TOX3: variants seen among roughly 807,000 people sequenced by gnomAD.
TOX3 encodes the protein CAG trinucleotide repeat-containing gene F9 protein.
TOX3 carries 22 observed loss-of-function variants against 64.3 expected under a neutral mutation model. The observed-to-expected ratio is 0.34, with a 90% CI of 0.24 to 0.49. The LOEUF is 0.49. Ranked by LOEUF, TOX3 falls within the 20% of genes least tolerant of loss-of-function variation. TOX3 has a pLI of 0.99. For missense variants in TOX3, 661 were observed against 714.4 expected (o/e 0.93, Z 0.85); for synonymous variants, 291 against 273.6 (o/e 1.06, Z -0.63).
chr16:52,537,878 T>TAAAAAAAAAAAAAAAAAAAAAAAAAAAAA (rs57403617), intron 1 of TOX3, among the ~76,000 whole-genome samples: 1 of 111,040 alleles, frequency 9.0e-6, no homozygotes, highest in African/African-American at 3.3e-5. Context: ...GCTGATATGA[T>TAAAAAAAAAAAAAAAAAAAAAAAAAAAAA]AAAAAAAAAA....
chr16:52,532,196 C>T (rs1008755000), intron 1 of TOX3, among the ~76,000 whole-genome samples: 1 of 152,180 alleles, frequency 6.6e-6, no homozygotes, highest in Non-Finnish European at 1.5e-5. Flanking sequence ...TTCTCCACAC[C>T]TCTGTCTATC....
At chr16:52,485,455 A>T (rs1398779873) in intron 1 of TOX3, among the ~76,000 whole-genome samples, 1 of 151,898 alleles carries the variant, frequency 6.6e-6, no homozygotes. Flanking sequence ...GACATAAAAA[A>T]TGGAAATGGC....
intron 1 of TOX3, among the ~76,000 whole-genome samples, chr16:52,511,869 C>T (rs1962321083): frequency 6.6e-6 from 1 of 152,114 alleles, no homozygotes; most frequent in African/African-American, 2.4e-5. Context: ...GTCATGTTTG[C>T]CTTTATAATT....
At chr16:52,508,644 A>G (rs1267184874) in intron 1 of TOX3, among the ~76,000 whole-genome samples, 1 of 152,208 alleles carries the variant, frequency 6.6e-6, no homozygotes, top group Non-Finnish European at 1.5e-5. Flanking sequence ...AATTTTATAT[A>G]AAGAAAAAAC....
chr16:52,468,492 T>TTAAGACAGTCACC lies in TOX3; in HGVS notation c.153+4_153+16dup. 1 of 1,610,650 alleles carries TTAAGACAGTCACC rather than the reference T, an allele frequency of 6.2e-7. No homozygotes were observed. On this transcript the variant is annotated intron_variant, in intron 2 of 6. Transcript: ENST00000219746. ...AACACAAAAAACAGGAACAAACACA[T>TTAAGACAGTCACC]TAAGACAGTCACCTACCTCACTGGC...
intron 3 of TOX3, among the ~76,000 whole-genome samples, chr16:52,459,485 C>T (rs544934222): frequency 1.3e-5 from 2 of 152,238 alleles, no homozygotes; most frequent in South Asian, 4.1e-4. Context: ...GTGACCTTTA[C>T]ATTGTTAATT....
At chr16:52,538,917 T>A (rs757577199) in intron 1 of TOX3, among the ~76,000 whole-genome samples, 1 of 152,030 alleles carries the variant, frequency 6.6e-6, no homozygotes, top group Non-Finnish European at 1.5e-5. Context: ...GAGAAGCTCA[T>A]GCGGACCTTA....
chr16:52,495,680 G>T (rs1441264423), intron 1 of TOX3, among the ~76,000 whole-genome samples: 2 of 152,140 alleles, frequency 1.3e-5, no homozygotes, highest in Non-Finnish European at 2.9e-5. Context: ...CCACCACGGT[G>T]TTAACACACA....
chr16:52,445,376 C>G (rs1237772976), intron 5 of TOX3: 1 of 152,094 alleles, frequency 6.6e-6, no homozygotes, highest in Non-Finnish European at 1.5e-5. Flanking sequence ...AGGGGGGGAT[C>G]GACCCCCAAG....
At chr16:52,465,368 A>G (rs1262704772) in intron 2 of TOX3, among the ~76,000 whole-genome samples, 1 of 151,228 alleles carries the variant, frequency 6.6e-6, no homozygotes, top group Admixed American at 6.6e-5. Context: ...GATATAAATC[A>G]GTGTTGCTCC....
In TOX3 at chr16:52,476,924, G is replaced by A. The variant is rs565633206; in HGVS notation, c.88-8350C>T. On this transcript the variant is annotated intron_variant, in intron 1 of 6. Transcript: ENST00000219746. ...AAGTGGCTTGCAAATCTAGGAGGAG[G>A]AGTCAAAAAGGAATGGCCTTTCAGA... Among the ~76,000 whole-genome samples, 6 of 152,236 alleles carry A rather than the reference G, an allele frequency of 3.9e-5. No individual in the cohort carries two copies. The South Asian group carries it at 1.0e-3, about 26-fold the overall frequency.
rs572066155 is a variant in TOX3 at position 52,491,339 on chromosome 16, G to T, written c.88-22765C>A. The stretch of plus-strand genomic sequence containing the variant: ...GCCCTTTCACACTGGACTATGATTG[G>T]TTTCTTTGTCTTTCTTCCTAATTAA... On this transcript the variant is annotated intron_variant, in intron 1 of 6. Coordinates refer to ENST00000219746, the MANE Select transcript of TOX3 (RefSeq NM_001080430.4). Among the ~76,000 whole-genome samples, 33 of 152,146 alleles carry T rather than the reference G, an allele frequency of 2.2e-4. No individual in the cohort carries two copies. The East Asian group carries it at 6.4e-3, about 29-fold the overall frequency.
chr16:52,447,491 G>A (rs1960196820), intron 4 of TOX3, among the ~76,000 whole-genome samples: 1 of 152,180 alleles, frequency 6.6e-6, no homozygotes, highest in Non-Finnish European at 1.5e-5. Flanking sequence ...AACACTCAAA[G>A]TGTTAAGAAA....
intron 1 of TOX3, among the ~76,000 whole-genome samples, chr16:52,513,024 C>T (rs116025994): frequency 3.9e-4 from 59 of 152,264 alleles, no homozygotes; most frequent in African/African-American, 1.4e-3. Flanking sequence ...CATAATGTCA[C>T]GTTGCATACC....
chr16:52,458,578 T>A (rs546453462), intron 3 of TOX3, among the ~76,000 whole-genome samples: 2 of 152,222 alleles, frequency 1.3e-5, no homozygotes, highest in Non-Finnish European at 2.9e-5. Flanking sequence ...GCCAGCCTTC[T>A]CATAACATTT....
At chr16:52,536,488 A>G (rs1171882131) in intron 1 of TOX3, among the ~76,000 whole-genome samples, 4 of 150,992 alleles carry the variant, frequency 2.6e-5, no homozygotes, top group Admixed American at 6.6e-5. Flanking sequence ...GGTAGAGGGG[A>G]GGAGTGGTAA....
At chr16:52,545,940 G>A (rs2151493870) in intron 1 of TOX3, among the ~76,000 whole-genome samples, 1 of 152,274 alleles carries the variant, frequency 6.6e-6, no homozygotes, top group Non-Finnish European at 1.5e-5. Flanking sequence ...ACCCCAGGGT[G>A]TGGTGTGGAG....
In TOX3 at chr16:52,517,127, A is replaced by C. The variant is rs1040510076; in HGVS notation, c.87+29510T>G. On this transcript the variant is annotated intron_variant, in intron 1 of 6. Coordinates refer to ENST00000219746, the MANE Select transcript of TOX3 (RefSeq NM_001080430.4). ...AAAATTAGGGGAGCTACCATAATAC[A>C]TGGCAGAAACAGATTTCCTGCCCCC... Among the ~76,000 whole-genome samples, 6 of 152,354 alleles carry C rather than the reference A, an allele frequency of 3.9e-5. No homozygotes were observed. The East Asian group carries it at 7.7e-4, about 20-fold the overall frequency.
chr16:52,452,249 G>T (rs773054715), intron 3 of TOX3, among the ~76,000 whole-genome samples: 3 of 152,112 alleles, frequency 2.0e-5, no homozygotes, highest in East Asian at 1.9e-4. Flanking sequence ...CTTTTTCTAC[G>T]TACATGTGTA....
Sources: allele counts gnomAD v4.1 joint callset (sites outside exome capture counted in the v4.1 genomes callset), GRCh38; gene constraint gnomAD v4.1.1; transcripts MANE v1.5; gene names NCBI Gene and HGNC (gene_info 2026-07-23, HGNC 2026-07-21).